RGS9: variants seen among roughly 807,000 people sequenced by gnomAD.
RGS9 encodes the protein regulator of G-protein signalling 9.
Under a neutral mutation model 102.0 loss-of-function variants are expected in RGS9, and 78 were observed. The ratio of observed to expected loss-of-function variants is 0.76; its 90% CI spans 0.64 to 0.92. RGS9 has a LOEUF of 0.92. Among genes scored for constraint, RGS9 ranks in the 40% least tolerant of loss-of-function variants. RGS9 has a pLI of 0.00. For synonymous variants in RGS9, 353 were observed against 318.6 expected (o/e 1.11, Z -1.15); for missense variants, 833 against 866.1 (o/e 0.96, Z 0.48).
At position 65,158,282 on chromosome 17, in the gene RGS9, T is replaced by C; in HGVS notation, c.155-13T>C. 6.2e-7 allele frequency: 1 copy of C among 1,613,976 alleles called. No homozygotes were observed. Among genetic ancestry groups the C allele is most frequent in the African/African-American group, 1.3e-5 (1 of 75,012 alleles). On this transcript the variant is annotated splice_polypyrimidine_tract_variant and intron_variant, in intron 2 of 18. Coordinates refer to ENST00000262406, the MANE Select transcript of RGS9 (RefSeq NM_003835.4). Reference sequence around the variant, plus strand: ...GGCTATGACAATAACCGCAAATGTCTCTTGTTTTTCAGGAAGTGATGTTCT... The same window carrying C: ...GGCTATGACAATAACCGCAAATGTCCCTTGTTTTTCAGGAAGTGATGTTCT...
At chr17:65,183,327 T>G (rs1251841518) in intron 9 of RGS9, among the ~76,000 whole-genome samples, 1 of 152,174 alleles carries the variant, frequency 6.6e-6, no homozygotes, top group Non-Finnish European at 1.5e-5. Flanking sequence ...TGTGTCTTTT[T>G]GGCCGGGCTG....
intron 15 of RGS9, among the ~76,000 whole-genome samples, chr17:65,206,067 A>ACAGG (rs1913053266): frequency 6.6e-6 from 1 of 152,176 alleles, no homozygotes; most frequent in Non-Finnish European, 1.5e-5. Flanking sequence ...GTTATGTGAT[A>ACAGG]TAGGTTATAT....
intron 7 of RGS9, among the ~76,000 whole-genome samples, 174 bp downstream of exon 7, chr17:65,163,263 C>T (rs1019176005): frequency 6.6e-6 from 1 of 150,634 alleles, no homozygotes; most frequent in African/African-American, 2.4e-5. Context: ...CAACCTCCGC[C>T]TCCTGGGTTC....
chr17:65,215,456 C>CTCTT lies in RGS9; in HGVS notation c.1407+4867_1407+4870dup, dbSNP rs142953552. ...CATGTAATCAACATTTACGGAGTTT[C>CTCTT]TCTTTCTTTCTTTCTTTCTCTATCT... On this transcript the variant is annotated intron_variant, in intron 17 of 18. Transcript: ENST00000262406. 1.9e-4 allele frequency among the ~76,000 whole-genome samples: 29 copies of CTCTT among 151,730 alleles called. 1 individual carries two copies. In the Middle Eastern group the frequency reaches 0.01, roughly 53 times the overall value.
intron 8 of RGS9, among the ~76,000 whole-genome samples, chr17:65,168,496 G>A (rs1269433140): frequency 1.4e-5 from 2 of 147,860 alleles, no homozygotes; most frequent in Admixed American, 6.8e-5. Flanking sequence ...ATCTGTTGGT[G>A]TTAGGTAGGG....
chr17:65,158,663 C>T (rs751323712), intron 3 of RGS9: 2 of 455,458 alleles, frequency 4.4e-6, no homozygotes, highest in Non-Finnish European at 8.1e-6. Context: ...AAGAGGAGCT[C>T]TGAGGGTCTT....
chr17:65,171,704 C>T (rs1911426826), intron 8 of RGS9, among the ~76,000 whole-genome samples: 1 of 152,238 alleles, frequency 6.6e-6, no homozygotes, highest in African/African-American at 2.4e-5. Context: ...AGGGCTCTGA[C>T]CTGAATTCCT....
chr17:65,214,426 C>A (rs1325501381), intron 17 of RGS9, among the ~76,000 whole-genome samples: 1 of 152,322 alleles, frequency 6.6e-6, no homozygotes, highest in South Asian at 2.1e-4. Flanking sequence ...GGATGATGAT[C>A]AAGGATGATG....
At chr17:65,153,641 C>T (rs1471470886) in intron 2 of RGS9, 123 bp downstream of exon 2, 1 of 791,354 alleles carries the variant, frequency 1.3e-6, no homozygotes, top group Non-Finnish European at 2.2e-6. Context: ...CCTGTAATCC[C>T]AGCACTTTGG....
chr17:65,152,517 G>A (rs1178518091), intron 1 of RGS9, among the ~76,000 whole-genome samples: 1 of 152,166 alleles, frequency 6.6e-6, no homozygotes, highest in Non-Finnish European at 1.5e-5. Context: ...GTTAAGGGTT[G>A]AAACGCTGTC....
intron 9 of RGS9, among the ~76,000 whole-genome samples, chr17:65,178,951 A>G (rs1188444975): frequency 1.3e-5 from 2 of 152,194 alleles, no homozygotes; most frequent in African/African-American, 4.8e-5. Flanking sequence ...GTCTCCAGAC[A>G]TTGCCCATTG....
intron 11 of RGS9, among the ~76,000 whole-genome samples, chr17:65,190,782 G>T (rs76824831): frequency 1.3e-5 from 2 of 152,286 alleles, no homozygotes; most frequent in East Asian, 1.9e-4. Context: ...TGCCTCCCAC[G>T]TGCAAGCAGT....
In RGS9 at chr17:65,173,947, T is replaced by C. The variant is rs1911516794; in HGVS notation, c.583-3785T>C. On this transcript the variant is annotated intron_variant, in intron 8 of 18. Transcript: ENST00000262406. This position sits in a 1 kb window ranked among gnomAD's most constrained non-coding sequence, Gnocchi z 4.8. ...AACTGGAAAAGGACCACAGCTTGAT[T>C]GGGAACAACTGAGACTTAAGGGCTG... Among the ~76,000 whole-genome samples the C allele has an allele frequency of 6.6e-6, 1 of 152,168 alleles. No individual in the cohort carries two copies. The highest frequency in any genetic ancestry group is 1.5e-5 in the Non-Finnish European group (1 of 68,036).
chr17:65,160,667 G>T, intron 5 of RGS9, 80 bp downstream of exon 5: 1 of 1,515,426 alleles, frequency 6.6e-7, no homozygotes, highest in Non-Finnish European at 9.1e-7. Context: ...GGTGACATTT[G>T]TCTTGCTGTC....
chr17:65,191,373 T>G (rs929933488), intron 11 of RGS9, among the ~76,000 whole-genome samples: 3 of 152,098 alleles, frequency 2.0e-5, no homozygotes, highest in Non-Finnish European at 4.4e-5. Context: ...ACCAGTTTTT[T>G]TTTTTGTTGT....
chr17:65,173,628 C>T lies in RGS9; in HGVS notation c.583-4104C>T, dbSNP rs935425574. Among the ~76,000 whole-genome samples the T allele has an allele frequency of 2.0e-5, 3 of 152,246 alleles. No individual in the cohort carries two copies. The highest frequency in any genetic ancestry group is 4.4e-5 in the Non-Finnish European group (3 of 68,046). On this transcript the variant is annotated intron_variant, in intron 8 of 18. Coordinates refer to ENST00000262406, the MANE Select transcript of RGS9 (RefSeq NM_003835.4). This position sits in a 1 kb window ranked among gnomAD's most constrained non-coding sequence, Gnocchi z 4.8. ...CTTGCATGTCTCTGAAGGCTTCCTG[C>T]ATGAGGCACCAGGGCAGAAAGTGCC...
intron 17 of RGS9, among the ~76,000 whole-genome samples, chr17:65,213,169 G>A (rs946245601): frequency 2.0e-5 from 3 of 152,114 alleles, no homozygotes; most frequent in African/African-American, 7.2e-5. Flanking sequence ...AACCCGGGCT[G>A]GGGCATCCAT....
intron 13 of RGS9, among the ~76,000 whole-genome samples, chr17:65,199,532 C>T (rs529082982): frequency 4.6e-5 from 6 of 131,524 alleles, no homozygotes; most frequent in Admixed American, 8.9e-5. Flanking sequence ...CTCACTCTGT[C>T]GCCCAGGCTG....
intron 7 of RGS9, among the ~76,000 whole-genome samples, chr17:65,164,151 C>T (rs1911087855): frequency 6.6e-6 from 1 of 152,172 alleles, no homozygotes; most frequent in South Asian, 2.1e-4. Context: ...CCCCAACTCT[C>T]AGGGGCTGGA....
Sources: gnomAD v4.1 joint callset for allele counts (sites outside exome capture counted in the v4.1 genomes callset) on GRCh38, gnomAD v4.1.1 for gene constraint, Gnocchi (gnomAD v3.1) non-coding constraint, MANE v1.5 for transcripts, NCBI Gene and HGNC (gene_info 2026-07-23, HGNC 2026-07-21) for gene names.